VIPAS39: variants seen among roughly 807,000 people sequenced by gnomAD.
VIPAS39 encodes the protein VPS33B interacting protein, apical-basolateral polarity regulator, spe-39 homolog, also known as spermatogenesis-defective protein 39 homolog.
Under a neutral mutation model 84.7 loss-of-function variants are expected in VIPAS39, and 63 were observed. The ratio of observed to expected loss-of-function variants is 0.74; its 90% confidence interval spans 0.61 to 0.92. The LOEUF (loss-of-function observed/expected upper bound fraction) is 0.92, where lower values mean the gene tolerates loss of function less well. VIPAS39 is among the 40% of genes least tolerant of loss of function. VIPAS39 has a pLI of 0.00. For missense variants in VIPAS39, 499 were observed against 604.5 expected, an observed-to-expected ratio of 0.83 and a Z score of 1.83; for synonymous variants, 192 against 216.5, an observed-to-expected ratio of 0.89 and a Z score of 0.99.
rs182864751 is a variant in VIPAS39, at chr14:77,449,392, C to T, written c.383-35G>A. On this transcript the variant is annotated intron_variant, in intron 5 of 19. Coordinates refer to ENST00000557658, the MANE Select transcript of VIPAS39 (RefSeq NM_001193315.2). ...AATAAGCAGCTGGTTCAGAAGGGCACCATGAATCCTGCTTGTCATTCCTTC... is the reference window on the plus strand; with the variant it reads ...AATAAGCAGCTGGTTCAGAAGGGCATCATGAATCCTGCTTGTCATTCCTTC... 5.5e-3 allele frequency: 8,869 copies of T among 1,610,890 alleles called. 48 individuals are homozygous for T. The highest frequency in any genetic ancestry group is 5.7e-3 in the Non-Finnish European group (6,717 of 1,177,068).
In VIPAS39 at chr14:77,444,804, G is replaced by A. The variant is rs559732663; in HGVS notation, c.505-463C>T. ...TCACTGTGTTAGCCAGGATGGTCTC[G>A]ATCTCCTGACCTCGTCATCCACCCA... On this transcript the variant is annotated intron_variant, in intron 7 of 19. Transcript: ENST00000557658. Among the ~76,000 whole-genome samples, 37 of 151,958 alleles carry A rather than the reference G, an allele frequency of 2.4e-4. No homozygotes were observed. In the South Asian group the frequency reaches 3.7e-3, roughly 15 times the overall value.
At chr14:77,449,685 C>A in intron 5 of VIPAS39, 29 bp downstream of exon 5, 8 of 1,613,994 alleles carry the variant, frequency 5.0e-6, no homozygotes, top group Non-Finnish European at 6.8e-6. Context: ...ACATTTCCCA[C>A]AGCAATTAAA....
intron 10 of VIPAS39, 86 bp downstream of exon 10, chr14:77,442,474 T>C: frequency 8.8e-7 from 1 of 1,139,402 alleles, no homozygotes; most frequent in East Asian, 2.3e-5. Context: ...AAAAGGGCAG[T>C]TGGCGTCTTC....
intron 9 of VIPAS39, 27 bp downstream of exon 9, chr14:77,443,092 T>C (rs1207867696): frequency 8.1e-6 from 13 of 1,614,060 alleles, no homozygotes; most frequent in Non-Finnish European, 1.1e-5. Flanking sequence ...CCTTGCTGAC[T>C]GAAGATTTCC....
At chr14:77,434,116 A>C in intron 15 of VIPAS39, 146 bp downstream of exon 15, 1 of 1,147,328 alleles carries the variant, frequency 8.7e-7, no homozygotes, top group Non-Finnish European at 1.3e-6. Context: ...TAGGCCATTC[A>C]GTCTTCTCTC....
At position 77,429,460 on chromosome 14, in the gene VIPAS39, G is replaced by GC. The variant is rs201469802; in HGVS notation, c.1266+220_1266+221insG. ...TCAGTATTCCACTTGGGCTAACACA[G>GC]TAGATGCTACTCAGAGAGGACAGTT... is the stretch of plus-strand genomic sequence containing the variant. On this transcript the variant is annotated intron_variant, in intron 17 of 19. Coordinates refer to ENST00000557658, the MANE Select transcript of VIPAS39 (RefSeq NM_001193315.2). Among the ~76,000 whole-genome samples, 4,441 of 152,240 alleles carry GC rather than the reference G, an allele frequency of 0.029. 213 individuals are homozygous for GC. The highest frequency in any genetic ancestry group is 0.1 in the African/African-American group (4,202 of 41,504).
rs1566740128 is a variant in VIPAS39, at chr14:77,453,288, CTTCT to C, written c.196+7_196+10del. 2 of 1,613,462 alleles carry C rather than the reference CTTCT, an allele frequency of 1.2e-6. No homozygotes were observed. Among genetic ancestry groups the C allele is most frequent in the Non-Finnish European group, 1.7e-6 (2 of 1,179,522 alleles). On this transcript the variant is annotated splice_region_variant and intron_variant, in intron 3 of 19. Transcript: ENST00000557658. Reference sequence around the variant, plus strand: ...CAACATCTATCCCTGCCTAGGGACTCTTCTACTTACTTCCCACAGGTTCCCCACT... The same window carrying C: ...CAACATCTATCCCTGCCTAGGGACTCACTTACTTCCCACAGGTTCCCCACT...
Position 77,427,437 on chromosome 14 carries a change from G to A in VIPAS39, c.*179C>T, listed in dbSNP as rs1036739370. Reference sequence around the variant, plus strand: ...TCAAAGCTTTAGATCTCGATCCTCAGATGATGTTCCTTGGACAGAAGATCA... The same window carrying A: ...TCAAAGCTTTAGATCTCGATCCTCAAATGATGTTCCTTGGACAGAAGATCA... On this transcript the variant is annotated 3_prime_UTR_variant, in exon 20 of 20. Transcript: ENST00000557658. 3 of 684,090 alleles carry A rather than the reference G, an allele frequency of 4.4e-6. No homozygotes were observed. The highest frequency in any genetic ancestry group is 3.6e-5 in the African/African-American group (2 of 55,722). 42.4% of individuals were successfully genotyped at this position (684,090 alleles called of 1,614,324 possible). A position where few individuals can be genotyped will look rare whatever the true frequency, so the allele number is the denominator to read the frequency against.
chr14:77,447,965 C>CTTTTTTTTTTTTTTTTT (rs1301071234), intron 7 of VIPAS39, among the ~76,000 whole-genome samples: 1 of 138,876 alleles, frequency 7.2e-6, no homozygotes, highest in African/African-American at 2.7e-5. Flanking sequence ...CCCGGCTTCT[C>CTTTTTTTTTTTTTTTTT]TTTTTTTTTT....
Position 77,442,195 on chromosome 14 carries a change from G to A in VIPAS39, c.734+365C>T, listed in dbSNP as rs185857581. Among the ~76,000 whole-genome samples the A allele has an allele frequency of 4.0e-3, 614 of 152,280 alleles. 3 individuals are homozygous for A. The highest frequency in any genetic ancestry group is 0.014 in the African/African-American group (589 of 41,546). On this transcript the variant is annotated intron_variant, in intron 10 of 19. Coordinates refer to ENST00000557658, the MANE Select transcript of VIPAS39 (RefSeq NM_001193315.2). ...CAAACTAGGTATTATGCTAAGTGCT[G>A]GCTCACATACTAGCCCTTCATCTTC... is the stretch of plus-strand genomic sequence containing the variant.
chr14:77,429,605 C>T lies in VIPAS39; in HGVS notation c.1266+76G>A, dbSNP rs980698569. ...GAAAACAAGAGCAGATCGGGTCTCCCATCACTGACCAGTAAGAGGCTTAAA... is the reference window on the plus strand; with the variant it reads ...GAAAACAAGAGCAGATCGGGTCTCCTATCACTGACCAGTAAGAGGCTTAAA... On this transcript the variant is annotated intron_variant, in intron 17 of 19. Coordinates refer to ENST00000557658, the MANE Select transcript of VIPAS39 (RefSeq NM_001193315.2). 5 of 1,445,946 alleles carry T rather than the reference C, an allele frequency of 3.5e-6. No homozygotes were observed. The African/African-American group carries it at 5.6e-5, about 16-fold the overall frequency. 89.6% of individuals were successfully genotyped at this position (1,445,946 alleles called of 1,614,324 possible).
At position 77,445,467 on chromosome 14, in the gene VIPAS39, G is replaced by C. The variant is rs964334017; in HGVS notation, c.505-1126C>G. 3.3e-5 allele frequency among the ~76,000 whole-genome samples: 5 copies of C among 152,114 alleles called. 1 individual carries two copies. The highest frequency in any genetic ancestry group is 6.8e-3 in the Middle Eastern group (2 of 294). On this transcript the variant is annotated intron_variant, in intron 7 of 19. Transcript: ENST00000557658. ...AGACAGGGTCTCACTGTATTGCCCA[G>C]GCTGGAGTGCAGTGGCATGATCATG... is the stretch of plus-strand genomic sequence containing the variant.
intron 1 of VIPAS39, among the ~76,000 whole-genome samples, chr14:77,455,719 T>C (rs2078950417): frequency 6.6e-6 from 1 of 152,206 alleles, no homozygotes; most frequent in Non-Finnish European, 1.5e-5. Context: ...AGGCTTTTGA[T>C]AGCCCTTAAA....
chr14:77,433,023 A>G (rs1032946594), intron 16 of VIPAS39, among the ~76,000 whole-genome samples: 1 of 152,218 alleles, frequency 6.6e-6, no homozygotes, highest in Non-Finnish European at 1.5e-5. Flanking sequence ...TTAATTTAAA[A>G]AAAGGTAAAT....
intron 12 of VIPAS39, among the ~76,000 whole-genome samples, chr14:77,436,312 C>G (rs892422447): frequency 4.6e-5 from 7 of 152,168 alleles, no homozygotes; most frequent in African/African-American, 1.7e-4. Flanking sequence ...GAGGGGACAC[C>G]TAGATTTGTT....
intron 16 of VIPAS39, among the ~76,000 whole-genome samples, chr14:77,433,076 T>C (rs2078548595): frequency 6.6e-6 from 1 of 152,180 alleles, no homozygotes; most frequent in South Asian, 2.1e-4. Flanking sequence ...GGTCTTTGAT[T>C]GGATCCTGAT....
intron 14 of VIPAS39, 135 bp from the exon 15 acceptor site, chr14:77,434,438 G>A: frequency 1.2e-6 from 1 of 859,778 alleles, no homozygotes; most frequent in Non-Finnish European, 1.9e-6. Flanking sequence ...ATTAATTTCA[G>A]GGAAAAGCTC....
At chr14:77,438,413 G>C (rs891122465) in intron 11 of VIPAS39, among the ~76,000 whole-genome samples, 1 of 152,136 alleles carries the variant, frequency 6.6e-6, no homozygotes, top group Non-Finnish European at 1.5e-5. Context: ...ACTTTTAGTA[G>C]AGGCAGGGTT....
intron 16 of VIPAS39, among the ~76,000 whole-genome samples, chr14:77,433,053 A>G (rs1022804652): frequency 6.6e-6 from 1 of 152,226 alleles, no homozygotes; most frequent in African/African-American, 2.4e-5. Flanking sequence ...CATGACAACC[A>G]AACTCAATCC....
Sources: allele counts gnomAD v4.1 joint callset (sites outside exome capture counted in the v4.1 genomes callset), GRCh38; gene constraint gnomAD v4.1.1; transcripts MANE v1.5; gene names NCBI Gene and HGNC (gene_info 2026-07-23, HGNC 2026-07-21).